SGCZ: variants seen among roughly 807,000 people sequenced by gnomAD.
SGCZ encodes sarcoglycan zeta, also known as zeta-sarcoglycan.
A neutral mutation model predicts 41.3 loss-of-function variants in SGCZ; 40 were observed. The ratio of observed to expected loss-of-function variants is 0.97; its 90% CI spans 0.75 to 1.26. The LOEUF (loss-of-function observed/expected upper bound fraction) is 1.26, where lower values mean the gene tolerates loss of function less well. SGCZ is among the 50% of genes most tolerant of loss of function. SGCZ has a pLI of 0.00. For missense variants in SGCZ, 552 were observed against 369.8 expected (o/e 1.49, Z -4.04); for synonymous variants, 206 against 137.5 (o/e 1.50, Z -3.49).
intron 3 of SGCZ, among the ~76,000 whole-genome samples, chr8:14,264,288 G>A (rs1460430736): frequency 6.6e-6 from 1 of 152,170 alleles, no homozygotes; most frequent in African/African-American, 2.4e-5. Flanking sequence ...GAAAGGAGAA[G>A]GAGGTTGAAA....
At chr8:14,215,871 C>T (rs1805976592) in intron 4 of SGCZ, among the ~76,000 whole-genome samples, 1 of 152,166 alleles carries the variant, frequency 6.6e-6, no homozygotes, top group South Asian at 2.1e-4. Context: ...CCAGATGGTG[C>T]CGGGTGCAAC....
Position 14,922,743 on chromosome 8 carries a change from C to T in SGCZ, c.39+314842G>A, listed in dbSNP as rs930467340. On this transcript the variant is annotated intron_variant, in intron 1 of 7. Coordinates refer to ENST00000382080, the MANE Select transcript of SGCZ (RefSeq NM_139167.4). ...ATTCTAATCTTCTAAAGCATTTTTG[C>T]ATACATTCAAGATAAAATAACAATT... Among the ~76,000 whole-genome samples, 7 of 152,130 alleles carry T rather than the reference C, an allele frequency of 4.6e-5. No homozygotes were observed. In the South Asian group the frequency reaches 1.5e-3, roughly 32 times the overall value.
At chr8:14,781,004 G>C (rs1278264332) in intron 1 of SGCZ, among the ~76,000 whole-genome samples, 1 of 152,110 alleles carries the variant, frequency 6.6e-6, no homozygotes, top group Non-Finnish European at 1.5e-5. Flanking sequence ...AAAATATTTA[G>C]TTTAAACTAG....
chr8:14,545,606 A>C (rs1803601923), intron 2 of SGCZ, among the ~76,000 whole-genome samples: 2 of 152,188 alleles, frequency 1.3e-5, no homozygotes, highest in South Asian at 2.1e-4. Flanking sequence ...CATAAAGTTC[A>C]ATGTGTTTAA....
intron 1 of SGCZ, among the ~76,000 whole-genome samples, chr8:14,631,580 G>T (rs747233908): frequency 7.2e-5 from 11 of 152,080 alleles, no homozygotes; most frequent in Non-Finnish European, 1.3e-4. Context: ...CTCAGATTGA[G>T]GAAAGCAGAA....
chr8:15,138,388 T>A (rs1218225458), intron 1 of SGCZ, among the ~76,000 whole-genome samples: 1 of 151,948 alleles, frequency 6.6e-6, no homozygotes, highest in Non-Finnish European at 1.5e-5. Flanking sequence ...GAGGGCATGA[T>A]TGTGATTTGA....
chr8:14,392,218 T>C (rs1008545180), intron 2 of SGCZ, among the ~76,000 whole-genome samples: 1 of 152,216 alleles, frequency 6.6e-6, no homozygotes, highest in Non-Finnish European at 1.5e-5. Context: ...TTACTCACAC[T>C]TCATTCTATT....
intron 5 of SGCZ, among the ~76,000 whole-genome samples, chr8:14,121,676 T>C (rs1003699914): frequency 8.5e-5 from 13 of 152,112 alleles, no homozygotes; most frequent in African/African-American, 2.4e-4. Flanking sequence ...CACTACACAG[T>C]GTGACAGTAT....
At chr8:14,411,011 GC>G (rs1273452731) in intron 2 of SGCZ, among the ~76,000 whole-genome samples, 1 of 152,018 alleles carries the variant, frequency 6.6e-6, no homozygotes, top group Non-Finnish European at 1.5e-5. Flanking sequence ...AAGTTCTTGT[GC>G]TCTTTGAAAC....
At chr8:15,012,187 G>T (rs1237827946) in intron 1 of SGCZ, among the ~76,000 whole-genome samples, 2 of 151,902 alleles carry the variant, frequency 1.3e-5, no homozygotes, top group East Asian at 3.9e-4. Context: ...TTATTGCTGG[G>T]CATGGTGGTG....
At chr8:14,714,963 G>C (rs1473397114) in intron 1 of SGCZ, among the ~76,000 whole-genome samples, 2 of 152,056 alleles carry the variant, frequency 1.3e-5, no homozygotes, top group Non-Finnish European at 2.9e-5. Flanking sequence ...TTTCCTTATT[G>C]ATATGATTTT....
intron 2 of SGCZ, among the ~76,000 whole-genome samples, chr8:14,516,845 A>G (rs17305130): frequency 0.16 from 23,786 of 152,040 alleles, 2,076 homozygotes; most frequent in Admixed American, 0.21. Flanking sequence ...AAATTGAGGG[A>G]ACTTTTTGTT....
At chr8:14,280,190 A>C (rs2117286667) in intron 3 of SGCZ, among the ~76,000 whole-genome samples, 1 of 152,060 alleles carries the variant, frequency 6.6e-6, no homozygotes, top group South Asian at 2.1e-4. Context: ...AATAGTATGG[A>C]TGATAATAGG....
rs771539577 is a variant in SGCZ, at chr8:14,379,724, T to G, written c.235-55520A>C. 4.0e-5 allele frequency among the ~76,000 whole-genome samples: 6 copies of G among 151,844 alleles called. No individual in the cohort carries two copies. In the East Asian group the frequency reaches 5.8e-4, roughly 15 times the overall value. On this transcript the variant is annotated intron_variant, in intron 2 of 7. Transcript: ENST00000382080. ...GCTCCTACCCTACAATATATTGAAA[T>G]TATATATATATACATATATATTTTG... is the stretch of plus-strand genomic sequence containing the variant.
chr8:14,980,857 A>G (rs544023088), intron 1 of SGCZ, among the ~76,000 whole-genome samples: 2 of 151,952 alleles, frequency 1.3e-5, no homozygotes. Context: ...CTGTCTCTCT[A>G]TCTATCTTTT....
At chr8:14,231,384 T>C (rs1342859540) in intron 4 of SGCZ, among the ~76,000 whole-genome samples, 1 of 151,924 alleles carries the variant, frequency 6.6e-6, no homozygotes, top group Non-Finnish European at 1.5e-5. Context: ...ATTTCATCAA[T>C]ATCAATTTCA....
At chr8:14,124,441 C>T (rs1334268322) in intron 5 of SGCZ, among the ~76,000 whole-genome samples, 1 of 152,158 alleles carries the variant, frequency 6.6e-6, no homozygotes, top group Non-Finnish European at 1.5e-5. Flanking sequence ...TTATATACTC[C>T]AGCAAGTTCC....
At chr8:14,386,923 T>A (rs1804598327) in intron 2 of SGCZ, among the ~76,000 whole-genome samples, 1 of 152,224 alleles carries the variant, frequency 6.6e-6, no homozygotes, top group East Asian at 1.9e-4. Context: ...TAAGTTCATA[T>A]TGTTTAATAA....
intron 1 of SGCZ, among the ~76,000 whole-genome samples, chr8:15,039,289 T>C (rs1241987756): frequency 6.6e-6 from 1 of 152,158 alleles, no homozygotes; most frequent in Non-Finnish European, 1.5e-5. Context: ...TACTATCCAC[T>C]CTTAAAAAAG....
Sources: allele counts gnomAD v4.1 joint callset (sites outside exome capture counted in the v4.1 genomes callset), GRCh38; gene constraint gnomAD v4.1.1; transcripts MANE v1.5; gene names NCBI Gene and HGNC (gene_info 2026-07-23, HGNC 2026-07-21).